The following EBF1 variants were observed in gnomAD, a reference collection of about 807,000 sequenced individuals.
The protein encoded by EBF1 is transcription factor COE1.
A neutral mutation model predicts 68.4 loss-of-function variants in EBF1; 10 were observed. That is an observed-to-expected ratio of 0.15 (90% confidence interval 0.09 to 0.25). The LOEUF (loss-of-function observed/expected upper bound fraction) is 0.25. EBF1 is among the 10% of genes least tolerant of loss of function. The pLI, the probability that EBF1 is intolerant of heterozygous loss-of-function variation, is 1.00. For synonymous variants in EBF1, 298 were observed against 299.8 expected, an observed-to-expected ratio of 0.99 and a Z score of 0.06; for missense variants, 509 against 794.4, an observed-to-expected ratio of 0.64 and a Z score of 4.32.
chr5:158,725,200 C>T (rs540292552), intron 11 of EBF1, among the ~76,000 whole-genome samples: 37 of 152,308 alleles, frequency 2.4e-4, no homozygotes, highest in African/African-American at 8.9e-4. Context: ...GCTGGCCACA[C>T]AGCACCACCA....
rs142137555 is a variant in EBF1 at position 158,830,582 on chromosome 5, G to C, written c.637-7265C>G. ...AACACAGTTGGCCTCTGGCCTTTCA[G>C]TACACAGTCCTGGCTTACATCCTCT... On this transcript the variant is annotated intron_variant, in intron 7 of 15. Transcript: ENST00000313708. 2.5e-3 allele frequency among the ~76,000 whole-genome samples: 379 copies of C among 152,266 alleles called. 1 individual carries two copies. Among genetic ancestry groups the C allele is most frequent in the African/African-American group, 8.6e-3 (356 of 41,544 alleles).
At chr5:159,057,007 T>C (rs1344487800) in intron 6 of EBF1, among the ~76,000 whole-genome samples, 1 of 152,166 alleles carries the variant, frequency 6.6e-6, no homozygotes, top group Non-Finnish European at 1.5e-5. Context: ...AAATGAAATA[T>C]GTGGGCTTTT....
intron 6 of EBF1, among the ~76,000 whole-genome samples, chr5:159,063,343 G>A (rs912687294): frequency 6.2e-4 from 94 of 152,290 alleles, no homozygotes; most frequent in Middle Eastern, 3.4e-3. Context: ...CAATAAAGCC[G>A]TGGAATTTGC....
In EBF1 at chr5:158,713,065, G is replaced by A. The variant is rs762145923; in HGVS notation, c.1274C>T (p.Ala425Val). The change falls in exon 13 of 16, where the codon GCT (alanine) becomes GTT (valine). Residue 425 changes from alanine to valine, a missense_variant. Physicochemically the swap from Ala to Val is moderately conservative, Grantham distance 64. Around this residue, in one of 3 missense-constraint regions of EBF1, gnomAD observed 205 missense variants for 247.4 expected, o/e 0.83. Transcript: ENST00000313708. ...CATCCCTGCGTGGACCGAGGTGTTA[G>A]CAAGGGCCGGGAGTTGGTTGTGGTT... Reference protein sequence around the residue: ...PRNHNQLPALANTSVHAGMMG... With the variant: ...PRNHNQLPALVNTSVHAGMMG... 1.1e-5 allele frequency: 17 copies of A among 1,599,370 alleles called. No homozygotes were observed. The Admixed American group carries it at 2.9e-4, about 27-fold the overall frequency.
intron 6 of EBF1, among the ~76,000 whole-genome samples, chr5:159,059,728 G>T (rs1775448134): frequency 6.6e-6 from 1 of 152,206 alleles, no homozygotes. Context: ...CTACTGTAAT[G>T]AAAAGGGTCT....
rs192633412 is a variant in EBF1 at position 158,950,638 on chromosome 5, G to A, written c.555-110528C>T. Among the ~76,000 whole-genome samples the A allele has an allele frequency of 1.3e-3, 205 of 152,332 alleles. 2 individuals carry two copies. The highest frequency in any genetic ancestry group is 7.1e-4 in the Non-Finnish European group (48 of 68,036). Reference sequence around the variant, plus strand: ...CAAAGAAGTACTTCCTCAGTGGCCTGGGAGACAACCTTCTTTATCTCTGAC... The same window carrying A: ...CAAAGAAGTACTTCCTCAGTGGCCTAGGAGACAACCTTCTTTATCTCTGAC... On this transcript the variant is annotated intron_variant, in intron 6 of 15. Transcript: ENST00000313708.
chr5:158,808,135 T>C (rs1781945811), intron 8 of EBF1, among the ~76,000 whole-genome samples: 1 of 152,096 alleles, frequency 6.6e-6, no homozygotes. Flanking sequence ...ATCTGTGATG[T>C]CATAAGCACA....
intron 6 of EBF1, among the ~76,000 whole-genome samples, chr5:158,894,753 T>C (rs968639369): frequency 2.0e-5 from 3 of 152,204 alleles, no homozygotes; most frequent in Non-Finnish European, 4.4e-5. Flanking sequence ...TTTCCTTATC[T>C]GTAAAATGGG....
rs148200095 is a variant in EBF1 at position 158,713,076 on chromosome 5, G to A, written c.1263C>T (p.Leu421=). 6.3e-6 allele frequency: 10 copies of A among 1,599,888 alleles called. No homozygotes were observed. The highest frequency in any genetic ancestry group is 8.5e-6 in the Non-Finnish European group (10 of 1,172,078). Residue 421 remains leucine, a synonymous_variant, in exon 13 of 16, where the codon CTC becomes CTT. Transcript: ENST00000313708. The part of the protein sequence containing the change: ...LYSVPRNHNQ[L]PALANTSVHA... ...GGACCGAGGTGTTAGCAAGGGCCGG[G>A]AGTTGGTTGTGGTTGCGGGGAACAC...
intron 9 of EBF1, among the ~76,000 whole-genome samples, chr5:158,778,594 AGT>A (rs1775781035): frequency 6.6e-6 from 1 of 152,172 alleles, no homozygotes; most frequent in African/African-American, 2.4e-5. Context: ...GCCCAGTTTG[AGT>A]GTTTTGCCCA....
chr5:158,965,960 A>C (rs1378973420), intron 6 of EBF1, among the ~76,000 whole-genome samples: 1 of 152,156 alleles, frequency 6.6e-6, no homozygotes, highest in Non-Finnish European at 1.5e-5. Flanking sequence ...GGTGCTGCAA[A>C]ACCTTGGCTT....
chr5:159,096,937 G>C, intron 2 of EBF1, 37 bp downstream of exon 2: 1 of 1,608,116 alleles, frequency 6.2e-7, no homozygotes, highest in Non-Finnish European at 8.5e-7. Flanking sequence ...CCCGAGCCGA[G>C]CCGGGGACGA....
chr5:158,699,138 T>C lies in EBF1; in HGVS notation c.1749A>G (p.Ile583Met). 6.2e-7 allele frequency: 1 copy of C among 1,608,108 alleles called. No homozygotes were observed. The highest frequency in any genetic ancestry group is 2.2e-5 in the East Asian group (1 of 44,758). The change falls in exon 16 of 16, where the codon ATA becomes ATG. Residue 583 changes from isoleucine to methionine, a missense_variant. Around this residue, in one of 3 missense-constraint regions of EBF1, gnomAD observed 205 missense variants for 247.4 expected, o/e 0.83. Coordinates refer to ENST00000313708, the MANE Select transcript of EBF1 (RefSeq NM_024007.5). ...ACATAGGAGGAACAATCATGCCAGA[T>C]ATCGCTATGAAAGAAAAGACAGAAG... The part of the protein sequence containing the change: ...TSTNGNSLQA[I>M]SGMIVPPM
At chr5:158,861,167 G>C (rs1013852653) in intron 6 of EBF1, among the ~76,000 whole-genome samples, 1 of 151,940 alleles carries the variant, frequency 6.6e-6, no homozygotes, top group Non-Finnish European at 1.5e-5. Flanking sequence ...CTAAGAACCC[G>C]CATTATCAAG....
Position 158,730,988 on chromosome 5 carries a change from C to T in EBF1, c.1125+81G>A, listed in dbSNP as rs1763977568. The T allele has an allele frequency of 2.3e-6, 3 of 1,329,610 alleles. No individual in the cohort carries two copies. In the South Asian group the frequency reaches 3.9e-5, roughly 17 times the overall value. 82.4% of individuals were successfully genotyped at this position (1,329,610 alleles called of 1,614,324 possible). ...AAAATATGAGTTGTTTACCTGTGAACTAATTTTTATCAGCAGCAGAGTTTT... is the reference window on the plus strand; with the variant it reads ...AAAATATGAGTTGTTTACCTGTGAATTAATTTTTATCAGCAGCAGAGTTTT... On this transcript the variant is annotated intron_variant, in intron 11 of 15. Coordinates refer to ENST00000313708, the MANE Select transcript of EBF1 (RefSeq NM_024007.5).
At chr5:158,912,638 G>A (rs1447696711) in intron 6 of EBF1, among the ~76,000 whole-genome samples, 1 of 152,100 alleles carries the variant, frequency 6.6e-6, no homozygotes, top group Non-Finnish European at 1.5e-5. Context: ...AAAACAGATG[G>A]GTCTCAGAGG....
Position 158,708,130 on chromosome 5 carries a change from G to A in EBF1, c.1593C>T (p.Pro531=), listed in dbSNP as rs148672089. The change falls in exon 15 of 16, where the codon CCC becomes CCT. Residue 531 remains proline, a synonymous_variant. Coordinates refer to ENST00000313708, the MANE Select transcript of EBF1 (RefSeq NM_024007.5). ...TGCCCGAGGAGCTGCTGCAGTTGGA[G>A]GGGAGGCTTGTGGAGGAGGCCATGG... ...SPTMASSTSL[P]SNCSSSSGIF... 37 of 1,589,970 alleles carry A rather than the reference G, an allele frequency of 2.3e-5. No homozygotes were observed. In the African/African-American group the frequency reaches 4.2e-4, roughly 18 times the overall value.
chr5:159,069,322 A>C (rs2127926850), intron 6 of EBF1, among the ~76,000 whole-genome samples: 1 of 152,026 alleles, frequency 6.6e-6, no homozygotes, highest in African/African-American at 2.4e-5. Context: ...CTAATTCTAA[A>C]TTCAAACAAA....
intron 8 of EBF1, among the ~76,000 whole-genome samples, chr5:158,799,903 C>A (rs182330890): frequency 2.6e-5 from 4 of 151,946 alleles, no homozygotes; most frequent in African/African-American, 9.7e-5. Flanking sequence ...TTTTTTAATG[C>A]GTAGGCCAAA....
Sources: gnomAD v4.1 joint callset for allele counts (sites outside exome capture counted in the v4.1 genomes callset) on GRCh38, gnomAD v4.1.1 for gene constraint, gnomAD v4.1.1 regional missense constraint, MANE v1.5 for transcripts, NCBI Gene and HGNC (gene_info 2026-07-23, HGNC 2026-07-21) for gene names.